Variants in CPNE4 observed in about 807,000 individuals in gnomAD.
CPNE4 encodes copine 4, also known as copine-4.
A neutral mutation model predicts 67.9 loss-of-function variants in CPNE4; 25 were observed. The observed-to-expected ratio is 0.37, with a 90% CI of 0.27 to 0.51. The LOEUF (loss-of-function observed/expected upper bound fraction) is 0.51, where lower values mean the gene tolerates loss of function less well. Ranked by LOEUF, CPNE4 falls within the 20% of genes least tolerant of loss-of-function variation. The pLI is 0.93. For missense variants in CPNE4, 464 were observed against 690.8 expected (o/e 0.67, Z 3.68); for synonymous variants, 242 against 244.9 (o/e 0.99, Z 0.11).
chr3:131,724,980 G>C (rs1236803285), intron 2 of CPNE4, among the ~76,000 whole-genome samples: 2 of 152,004 alleles, frequency 1.3e-5, no homozygotes, highest in Non-Finnish European at 2.9e-5. Flanking sequence ...TAGCATCCCT[G>C]TACTAGAGAT....
intron 1 of CPNE4, among the ~76,000 whole-genome samples, chr3:131,963,329 T>A (rs928254833): frequency 6.6e-6 from 1 of 151,854 alleles, no homozygotes; most frequent in Non-Finnish European, 1.5e-5. Context: ...GGGCAGACAC[T>A]GAGCTAGCTG....
chr3:131,547,613 A>T lies in CPNE4; in HGVS notation c.1302+2334T>A, dbSNP rs143316551. 6.6e-5 allele frequency among the ~76,000 whole-genome samples: 10 copies of T among 152,026 alleles called. No individual in the cohort carries two copies. The East Asian group carries it at 1.4e-3, about 21-fold the overall frequency. On this transcript the variant is annotated intron_variant, in intron 14 of 15. Coordinates refer to ENST00000429747, the MANE Select transcript of CPNE4 (RefSeq NM_130808.3). ...ACTTGGCTTGGATTAAATCCTCAGC[A>T]TTACTGCTGGACAAGATCTCAGCTT... is the stretch of plus-strand genomic sequence containing the variant.
intron 7 of CPNE4, among the ~76,000 whole-genome samples, chr3:131,622,408 T>C (rs1295523446): frequency 2.6e-5 from 4 of 152,234 alleles, no homozygotes; most frequent in Admixed American, 1.3e-4. Context: ...GATCTTAAGA[T>C]TGTTATACTA....
At chr3:131,715,366 A>G (rs1356209666) in intron 3 of CPNE4, among the ~76,000 whole-genome samples, 1 of 152,216 alleles carries the variant, frequency 6.6e-6, no homozygotes, top group Admixed American at 6.5e-5. Flanking sequence ...AAGACACCAA[A>G]AACTAGCCAG....
chr3:131,954,940 G>A (rs1402816882), intron 1 of CPNE4, among the ~76,000 whole-genome samples: 9 of 148,920 alleles, frequency 6.0e-5, no homozygotes, highest in African/African-American at 2.2e-4. Context: ...ATTGTGAACA[G>A]TGCCGCAATA....
intron 2 of CPNE4, among the ~76,000 whole-genome samples, chr3:131,794,243 T>TTTC: frequency 7.0e-6 from 1 of 142,010 alleles, no homozygotes; most frequent in East Asian, 2.0e-4. Flanking sequence ...GGAAACAACT[T>TTTC]TTTTTTTTTT....
chr3:131,903,105 G>A (rs1042765925), intron 2 of CPNE4, among the ~76,000 whole-genome samples: 8 of 151,904 alleles, frequency 5.3e-5, no homozygotes, highest in African/African-American at 7.3e-5. Flanking sequence ...GCTGACTCTC[G>A]GGTCTTTTGA....
chr3:131,552,480 G>T lies in CPNE4; in HGVS notation c.1128C>A (p.Asp376Glu). 1.2e-6 allele frequency: 2 copies of T among 1,612,406 alleles called. No individual in the cohort carries two copies. The highest frequency in any genetic ancestry group is 1.7e-6 in the Non-Finnish European group (2 of 1,178,860). The change falls in exon 13 of 16, where the codon GAC (aspartate) becomes GAA (glutamate). Residue 376 changes from aspartate (D) to glutamate (E), a missense_variant. By Grantham distance (45) the Asp-to-Glu change is conservative (BLOSUM62 2). Around this residue, in one of 6 missense-constraint regions of CPNE4, gnomAD observed 201 missense variants for 357.7 expected, o/e 0.56. Coordinates refer to ENST00000429747, the MANE Select transcript of CPNE4 (RefSeq NM_130808.3). Reference sequence around the variant, plus strand: ...TGTCTTCATTAAAGTTGATTGCAAAGTCATGAGAGACCTAGACACCGATTA... The same window carrying T: ...TGTCTTCATTAAAGTTGATTGCAAATTCATGAGAGACCTAGACACCGATTA... ...RIPPEYTVSHDFAINFNEDNP... is the reference protein window; with the variant it reads ...RIPPEYTVSHEFAINFNEDNP...
chr3:132,035,655 T>G (rs912963229), upstream of CPNE4, among the ~76,000 whole-genome samples: 1 of 152,240 alleles, frequency 6.6e-6, no homozygotes, highest in African/African-American at 2.4e-5. Context: ...AGAGAAAGTA[T>G]GGCCTTCCTA....
chr3:131,696,632 C>T lies in CPNE4; in HGVS notation c.433-16G>A. The T allele has an allele frequency of 1.2e-6, 2 of 1,612,694 alleles. No individual in the cohort carries two copies. Among genetic ancestry groups the T allele is most frequent in the Non-Finnish European group, 1.7e-6 (2 of 1,178,774 alleles). ...CAGCAATCACCTAAAGGAAAAAGCA[C>T]ACATCAGCTGCAATAGAGGGTGAAC... On this transcript the variant is annotated splice_polypyrimidine_tract_variant and intron_variant, in intron 4 of 15. Coordinates refer to ENST00000429747, the MANE Select transcript of CPNE4 (RefSeq NM_130808.3).
chr3:132,015,663 G>A (rs897383816), intron 1 of CPNE4, among the ~76,000 whole-genome samples: 20 of 152,076 alleles, frequency 1.3e-4, no homozygotes, highest in African/African-American at 4.3e-4. Context: ...TTCTTTACTC[G>A]AGGACAAAAA....
chr3:132,020,448 A>T (rs1010041098), intron 1 of CPNE4, among the ~76,000 whole-genome samples: 3 of 152,170 alleles, frequency 2.0e-5, no homozygotes, highest in Admixed American at 6.5e-5. Context: ...TGTGGAGCTG[A>T]GCTGAGAGAA....
intron 10 of CPNE4, among the ~76,000 whole-genome samples, chr3:131,573,115 G>T (rs543753827): frequency 6.6e-6 from 1 of 152,208 alleles, no homozygotes; most frequent in African/African-American, 2.4e-5. Flanking sequence ...AGAACACTGG[G>T]AATAGAATAC....
intron 2 of CPNE4, among the ~76,000 whole-genome samples, chr3:131,883,707 CCTT>C (rs72055019): frequency 0.29 from 43,680 of 151,942 alleles, 7,307 homozygotes; most frequent in Non-Finnish European, 0.37. Context: ...TCCTTGCTGC[CCTT>C]CTTTATTATT....
intron 2 of CPNE4, among the ~76,000 whole-genome samples, chr3:131,826,101 T>TGA (rs2085147822): frequency 6.6e-6 from 1 of 152,232 alleles, no homozygotes; most frequent in Non-Finnish European, 1.5e-5. Context: ...GACCATTTGT[T>TGA]GAGCTCTTCA....
At chr3:132,014,334 C>A (rs2073843322) in intron 1 of CPNE4, among the ~76,000 whole-genome samples, 1 of 152,114 alleles carries the variant, frequency 6.6e-6, no homozygotes, top group African/African-American at 2.4e-5. Flanking sequence ...ATGCTCCTCC[C>A]ACCCCCACTC....
chr3:131,957,629 C>A (rs1028126894), intron 1 of CPNE4, among the ~76,000 whole-genome samples: 5 of 152,196 alleles, frequency 3.3e-5, no homozygotes, highest in African/African-American at 1.2e-4. Flanking sequence ...TGACCTCATG[C>A]CTTCCAGTTC....
intron 1 of CPNE4, among the ~76,000 whole-genome samples, chr3:131,909,789 G>C (rs1359887947): frequency 1.3e-5 from 2 of 152,014 alleles, no homozygotes; most frequent in East Asian, 3.9e-4. Context: ...ATCACTGATA[G>C]GATATTCTAT....
chr3:131,564,620 C>T (rs992109831), intron 10 of CPNE4, among the ~76,000 whole-genome samples: 10 of 152,110 alleles, frequency 6.6e-5, no homozygotes, highest in African/African-American at 2.4e-4. Context: ...TCAGAAAGCC[C>T]AGATGCTGTT....
Sources: allele counts gnomAD v4.1 joint callset (sites outside exome capture counted in the v4.1 genomes callset), GRCh38; gene constraint gnomAD v4.1.1; regional missense constraint gnomAD v4.1.1; transcripts MANE v1.5; gene names NCBI Gene and HGNC (gene_info 2026-07-23, HGNC 2026-07-21).